The following CTNNA3 variants were observed in gnomAD, a reference collection of about 807,000 sequenced individuals.
The protein encoded by CTNNA3 is catenin alpha 3.
Under a neutral mutation model 95.7 loss-of-function variants are expected in CTNNA3, and 76 were observed. The ratio of observed to expected loss-of-function variants is 0.79; its 90% CI spans 0.66 to 0.96. The LOEUF is 0.96. CTNNA3 is among the 40% of genes least tolerant of loss of function. CTNNA3 has a pLI of 0.00. For synonymous variants in CTNNA3, 431 were observed against 374.4 expected, an observed-to-expected ratio of 1.15 and a Z score of -1.74; for missense variants, 1,191 against 1,089.8, an observed-to-expected ratio of 1.09 and a Z score of -1.31.
intron 9 of CTNNA3, among the ~76,000 whole-genome samples, chr10:66,630,806 A>G (rs1198976555): frequency 6.6e-6 from 1 of 152,146 alleles, no homozygotes; most frequent in Non-Finnish European, 1.5e-5. Flanking sequence ...AGAATATTTA[A>G]CTAATATAAC....
intron 7 of CTNNA3, among the ~76,000 whole-genome samples, chr10:66,938,108 T>G (rs904876818): frequency 6.6e-6 from 1 of 152,250 alleles, no homozygotes; most frequent in African/African-American, 2.4e-5. Context: ...AGTAAACATT[T>G]CAACTCTATG....
chr10:66,612,791 G>A (rs7900938), intron 10 of CTNNA3, among the ~76,000 whole-genome samples: 26,956 of 151,684 alleles, frequency 0.18, 3,281 homozygotes, highest in East Asian at 0.56. Context: ...TGCCCTTTTC[G>A]TATTTTCCCA....
intron 7 of CTNNA3, among the ~76,000 whole-genome samples, chr10:66,815,287 T>G (rs1010844960): frequency 1.3e-5 from 2 of 151,968 alleles, no homozygotes; most frequent in Non-Finnish European, 2.9e-5. Flanking sequence ...AACAGCAAAT[T>G]TTATGGTATA....
intron 2 of CTNNA3, among the ~76,000 whole-genome samples, chr10:67,631,792 T>TAA (rs11392613): frequency 5.3e-5 from 8 of 151,870 alleles, no homozygotes; most frequent in African/African-American, 1.9e-4. Flanking sequence ...TATTCAGTCA[T>TAA]AAAAAAAAGT....
intron 5 of CTNNA3, among the ~76,000 whole-genome samples, chr10:67,268,820 T>C (rs1054475551): frequency 9.9e-5 from 15 of 152,158 alleles, no homozygotes; most frequent in Non-Finnish European, 2.9e-5. Context: ...CTAGGCTTTG[T>C]TGGGGATAAA....
intron 11 of CTNNA3, among the ~76,000 whole-genome samples, chr10:66,489,611 CACAA>C (rs1226445783): frequency 1.3e-5 from 2 of 152,210 alleles, no homozygotes; most frequent in East Asian, 1.9e-4. Context: ...TGCACACACA[CACAA>C]ACACACACAG....
At chr10:67,014,023 G>A (rs1055656900) in intron 7 of CTNNA3, among the ~76,000 whole-genome samples, 7 of 152,156 alleles carry the variant, frequency 4.6e-5, no homozygotes, top group East Asian at 1.9e-4. Context: ...AACAAGTGAT[G>A]AAGGACAGAG....
Position 67,663,198 on chromosome 10 carries a change from G to A in CTNNA3, c.-5-15680C>T, listed in dbSNP as rs968982785. On this transcript the variant is annotated intron_variant, in intron 1 of 17. Coordinates refer to ENST00000433211, the MANE Select transcript of CTNNA3 (RefSeq NM_013266.4). Reference sequence around the variant, plus strand: ...ATCCTGTGCATCTGATCAGTTATGTGTTATATATTTGATTTATAATTTTTC... The same window carrying A: ...ATCCTGTGCATCTGATCAGTTATGTATTATATATTTGATTTATAATTTTTC... Among the ~76,000 whole-genome samples, 7 of 152,136 alleles carry A rather than the reference G, an allele frequency of 4.6e-5. No homozygotes were observed. The South Asian group carries it at 6.2e-4, about 14-fold the overall frequency.
chr10:66,397,927 G>A (rs964053893), intron 11 of CTNNA3, among the ~76,000 whole-genome samples: 1 of 151,470 alleles, frequency 6.6e-6, no homozygotes, highest in African/African-American at 2.4e-5. Flanking sequence ...GTAGGGGTGG[G>A]GCAATTTTCC....
chr10:67,136,564 G>A (rs1308982339), intron 7 of CTNNA3, among the ~76,000 whole-genome samples: 1 of 152,022 alleles, frequency 6.6e-6, no homozygotes, highest in Non-Finnish European at 1.5e-5. Flanking sequence ...GAGAAGGAGA[G>A]AGAGAGAGAC....
chr10:66,069,949 T>G (rs1488052290), intron 14 of CTNNA3, among the ~76,000 whole-genome samples: 1 of 152,144 alleles, frequency 6.6e-6, no homozygotes, highest in Non-Finnish European at 1.5e-5. Flanking sequence ...TGCCTCAACT[T>G]TAACATAATA....
intron 2 of CTNNA3, among the ~76,000 whole-genome samples, chr10:67,634,723 G>A (rs1839250442): frequency 6.6e-6 from 1 of 152,100 alleles, no homozygotes; most frequent in Non-Finnish European, 1.5e-5. Context: ...GATCAAAAAA[G>A]ACAAAGAAGG....
chr10:67,695,911 C>T (rs1244371357), intron 1 of CTNNA3, 89 bp downstream of exon 1: 1 of 152,176 alleles, frequency 6.6e-6, no homozygotes, highest in Non-Finnish European at 1.5e-5. Context: ...AAATTTTAAA[C>T]CTATGATTAT....
chr10:66,556,995 T>C (rs1184660929), intron 10 of CTNNA3, among the ~76,000 whole-genome samples: 1 of 152,080 alleles, frequency 6.6e-6, no homozygotes, highest in Non-Finnish European at 1.5e-5. Context: ...TATACAATTT[T>C]ATTAAAAAGT....
intron 13 of CTNNA3, among the ~76,000 whole-genome samples, chr10:66,147,608 G>GTTTT (rs34193216): frequency 5.7e-4 from 60 of 105,768 alleles, no homozygotes; most frequent in Non-Finnish European, 6.6e-4. Context: ...GTTGCTTTCA[G>GTTTT]TTTTTTTTTT....
chr10:67,713,251 T>A (rs1055356817), intron 1 of CTNNA3, among the ~76,000 whole-genome samples: 1 of 152,176 alleles, frequency 6.6e-6, no homozygotes, highest in Non-Finnish European at 1.5e-5. Context: ...CTCATGCCAG[T>A]TAGAGTGGCC....
At chr10:66,717,037 G>GA (rs796489841) in intron 9 of CTNNA3, among the ~76,000 whole-genome samples, 2,096 of 134,954 alleles carry the variant, frequency 0.016, 25 homozygotes, top group African/African-American at 0.039. Flanking sequence ...GATAAAAACA[G>GA]AAAAAAAAAA....
At position 66,359,639 on chromosome 10, in the gene CTNNA3, C is replaced by T. The variant is rs2092637823; in HGVS notation, c.1732+19513G>A. 3.3e-5 allele frequency among the ~76,000 whole-genome samples: 5 copies of T among 152,156 alleles called. No individual in the cohort carries two copies. The South Asian group carries it at 1.0e-3, about 32-fold the overall frequency. Reference sequence around the variant, plus strand: ...ACATGCATACCTCTGTTCTGTTTTGCATTAAAGGTTCACATCTGTCATCCC... The same window carrying T: ...ACATGCATACCTCTGTTCTGTTTTGTATTAAAGGTTCACATCTGTCATCCC... On this transcript the variant is annotated intron_variant, in intron 12 of 17. Coordinates refer to ENST00000433211, the MANE Select transcript of CTNNA3 (RefSeq NM_013266.4).
intron 5 of CTNNA3, among the ~76,000 whole-genome samples, chr10:67,373,885 T>C (rs1054559632): frequency 6.6e-6 from 1 of 152,206 alleles, no homozygotes; most frequent in Non-Finnish European, 1.5e-5. Context: ...ATAATTTTTC[T>C]GATCTGTTTA....
Sources: gnomAD v4.1 joint callset for allele counts (sites outside exome capture counted in the v4.1 genomes callset) on GRCh38, gnomAD v4.1.1 for gene constraint, MANE v1.5 for transcripts, NCBI Gene and HGNC (gene_info 2026-07-23, HGNC 2026-07-21) for gene names.